Variants in MACROD1 observed in about 807,000 individuals in gnomAD.
The protein encoded by MACROD1 is ADP-ribose glycohydrolase MACROD1.
MACROD1 carries 31 observed loss-of-function variants against 41.4 expected under a neutral mutation model. The ratio of observed to expected loss-of-function variants is 0.75; its 90% CI spans 0.56 to 1.01. MACROD1 has a LOEUF of 1.01. MACROD1 is among the 50% of genes least tolerant of loss of function. The probability of loss-of-function intolerance (pLI) is 0.00; values close to 1 mark genes in which losing one functional copy is unlikely to be tolerated. For synonymous variants in MACROD1, 252 were observed against 203.4 expected, an observed-to-expected ratio of 1.24 and a Z score of -2.03; for missense variants, 473 against 460.0, an observed-to-expected ratio of 1.03 and a Z score of -0.26.
intron 3 of MACROD1, among the ~76,000 whole-genome samples, chr11:64,094,978 G>A (rs762770222): frequency 1.3e-5 from 2 of 152,200 alleles, no homozygotes; most frequent in Non-Finnish European, 2.9e-5. Flanking sequence ...TAGGGGCCTC[G>A]TTAGCTGTGG....
At chr11:64,035,790 C>A (rs1943366327) in intron 3 of MACROD1, among the ~76,000 whole-genome samples, 1 of 145,524 alleles carries the variant, frequency 6.9e-6, no homozygotes, top group African/African-American at 2.5e-5. Flanking sequence ...GCCGCCGCCG[C>A]GAGGGGAGAG....
chr11:64,156,205 T>G (rs1029772210), intron 1 of MACROD1, among the ~76,000 whole-genome samples: 4 of 151,996 alleles, frequency 2.6e-5, no homozygotes, highest in East Asian at 3.9e-4. Flanking sequence ...CGCTTCAGCC[T>G]GGGAGGTCAA....
intron 3 of MACROD1, chr11:64,148,705 C>A (rs767678140): frequency 6.7e-5 from 66 of 984,636 alleles, no homozygotes; most frequent in Non-Finnish European, 7.7e-5. Flanking sequence ...ATGGGTTTCA[C>A]GAGGCACAGA....
In MACROD1 at chr11:64,083,776, C is replaced by A. The variant is rs1425709045; in HGVS notation, c.517+67463G>T. 7.9e-5 allele frequency among the ~76,000 whole-genome samples: 12 copies of A among 152,158 alleles called. No individual in the cohort carries two copies. The East Asian group carries it at 2.3e-3, about 29-fold the overall frequency. On this transcript the variant is annotated intron_variant, in intron 3 of 10. Transcript: ENST00000255681. ...CGGTGACTCCTGAAGGGCCCCAGCCCCAAATTCCCAAGGTCAAGGGGTGAG... is the reference window on the plus strand; with the variant it reads ...CGGTGACTCCTGAAGGGCCCCAGCCACAAATTCCCAAGGTCAAGGGGTGAG...
At chr11:64,049,671 G>C (rs1943653760) in intron 3 of MACROD1, among the ~76,000 whole-genome samples, 1 of 152,234 alleles carries the variant, frequency 6.6e-6, no homozygotes, top group Admixed American at 6.5e-5. Flanking sequence ...TGGGGGTGCA[G>C]ACAGACAGCT....
chr11:64,156,754 G>T (rs538676262), intron 1 of MACROD1, among the ~76,000 whole-genome samples: 1 of 152,150 alleles, frequency 6.6e-6, no homozygotes, highest in Admixed American at 6.6e-5. Flanking sequence ...GAGACAGCAT[G>T]CTGGCTCTGC....
At chr11:64,111,829 G>A (rs1170296982) in intron 3 of MACROD1, among the ~76,000 whole-genome samples, 1 of 152,246 alleles carries the variant, frequency 6.6e-6, no homozygotes, top group Non-Finnish European at 1.5e-5. Context: ...GAGGTGGTCA[G>A]ATAAGGGTCA....
rs968880953 is a variant in MACROD1, at chr11:64,090,114, G to T, written c.517+61125C>A. On this transcript the variant is annotated intron_variant, in intron 3 of 10. Transcript: ENST00000255681. This position sits in a 1 kb window ranked among gnomAD's most constrained non-coding sequence, Gnocchi z 4.7. ...CTAGAATGGGGCTGGGGGAGGGGAAGATATGCACCCTCTCCCCACGGGGCT... is the reference window on the plus strand; with the variant it reads ...CTAGAATGGGGCTGGGGGAGGGGAATATATGCACCCTCTCCCCACGGGGCT... 6.6e-6 allele frequency among the ~76,000 whole-genome samples: 1 copy of T among 152,242 alleles called. No individual in the cohort carries two copies. The highest frequency in any genetic ancestry group is 2.4e-5 in the African/African-American group (1 of 41,546).
chr11:64,025,610 T>C (rs1418407142), intron 3 of MACROD1, among the ~76,000 whole-genome samples: 1 of 152,208 alleles, frequency 6.6e-6, no homozygotes, highest in East Asian at 1.9e-4. Flanking sequence ...AGGTTCTGTG[T>C]CTTTGAGTTT....
chr11:64,135,877 C>T (rs901685664), intron 3 of MACROD1, among the ~76,000 whole-genome samples: 41 of 152,346 alleles, frequency 2.7e-4, no homozygotes, highest in African/African-American at 7.2e-4. Flanking sequence ...TGGCACCCCG[C>T]GCCTGCCCTC....
intron 3 of MACROD1, 121 bp from the exon 4 acceptor site, chr11:64,015,402 C>T (rs1943067455): frequency 1.2e-6 from 1 of 859,350 alleles, no homozygotes; most frequent in Admixed American, 2.5e-5. Context: ...CAGACTTGGG[C>T]ACAGGGTCTT....
At position 64,166,036 on chromosome 11, in the gene MACROD1, A is replaced by T. The variant is rs1028461118; in HGVS notation, c.-42T>A. On this transcript the variant is annotated 5_prime_UTR_variant, in exon 1 of 11. Coordinates refer to ENST00000255681, the MANE Select transcript of MACROD1 (RefSeq NM_014067.4). ...ACGGCTCTCCGCCCACTTGGACTCT[A>T]TTTACGGCGCTCGGGAGTGTCTCTC... 4 of 1,245,666 alleles carry T rather than the reference A, an allele frequency of 3.2e-6. No individual in the cohort carries two copies. The highest frequency in any genetic ancestry group is 4.0e-6 in the Non-Finnish European group (4 of 997,042). 77.2% of individuals were successfully genotyped at this position (1,245,666 alleles called of 1,614,324 possible).
At chr11:64,097,776 A>C (rs1042284956) in intron 3 of MACROD1, among the ~76,000 whole-genome samples, 2 of 152,272 alleles carry the variant, frequency 1.3e-5, no homozygotes, top group South Asian at 4.1e-4. Context: ...CCCATCTCAC[A>C]GGGCAGAAGG....
In MACROD1 at chr11:64,012,092, T is replaced by A. The variant is rs575635191; in HGVS notation, c.547+3160A>T. Among the ~76,000 whole-genome samples, 24 of 152,246 alleles carry A rather than the reference T, an allele frequency of 1.6e-4. No homozygotes were observed. In the South Asian group the frequency reaches 5.0e-3, roughly 32 times the overall value. ...ATAAATCTCAGCCCATGTTAAAAGG[T>A]TGGACTCCGGGCCCACTTCCTCCAG... On this transcript the variant is annotated intron_variant, in intron 4 of 10. Transcript: ENST00000255681.
chr11:64,135,057 C>T (rs1374803587), intron 3 of MACROD1, among the ~76,000 whole-genome samples: 5 of 152,328 alleles, frequency 3.3e-5, no homozygotes, highest in East Asian at 1.9e-4. Flanking sequence ...AGGTGAGGGC[C>T]CCTGCCAGGC....
chr11:64,079,009 G>A (rs1310008344), intron 3 of MACROD1, among the ~76,000 whole-genome samples: 3 of 152,152 alleles, frequency 2.0e-5, no homozygotes, highest in Non-Finnish European at 4.4e-5. Flanking sequence ...CTGAGGGGAG[G>A]GTGGTGATGG....
chr11:64,078,322 T>C (rs1944241131), intron 3 of MACROD1, among the ~76,000 whole-genome samples: 2 of 152,208 alleles, frequency 1.3e-5, no homozygotes, highest in South Asian at 4.1e-4. Context: ...GACCCCTGCC[T>C]GCAGGCCTGC....
chr11:64,080,585 T>C (rs1349291971), intron 3 of MACROD1, among the ~76,000 whole-genome samples: 1 of 152,198 alleles, frequency 6.6e-6, no homozygotes, highest in East Asian at 1.9e-4. Context: ...CCCAGTACAG[T>C]GCTCAACACG....
At chr11:64,037,364 C>A (rs1943402266) in intron 3 of MACROD1, among the ~76,000 whole-genome samples, 1 of 151,912 alleles carries the variant, frequency 6.6e-6, no homozygotes, top group Non-Finnish European at 1.5e-5. Flanking sequence ...CGCTCAGGGG[C>A]TCCAGATTCC....
Sources: allele counts gnomAD v4.1 joint callset (sites outside exome capture counted in the v4.1 genomes callset), GRCh38; gene constraint gnomAD v4.1.1; non-coding constraint Gnocchi (gnomAD v3.1); transcripts MANE v1.5; gene names NCBI Gene and HGNC (gene_info 2026-07-23, HGNC 2026-07-21).